CUL5: variants seen among roughly 807,000 people sequenced by gnomAD.
The protein encoded by CUL5 is cullin 5.
CUL5 carries 26 observed loss-of-function variants against 108.8 expected under a neutral mutation model. That is an observed-to-expected ratio of 0.24 (90% confidence interval 0.18 to 0.33). The LOEUF is 0.33. CUL5 is among the 10% of genes least tolerant of loss of function. The pLI is 1.00. For missense variants in CUL5, 524 were observed against 909.2 expected (o/e 0.58, Z 5.45); for synonymous variants, 334 against 298.0 (o/e 1.12, Z -1.25).
intron 18 of CUL5, among the ~76,000 whole-genome samples, chr11:108,098,859 G>A (rs976551398): frequency 1.6e-4 from 25 of 151,960 alleles, no homozygotes; most frequent in Non-Finnish European, 3.7e-4. Context: ...TTTAAAAACA[G>A]TTTAAAACTA....
At chr11:108,078,321 C>A in intron 11 of CUL5, 81 bp downstream of exon 11, 2 of 623,978 alleles carry the variant, frequency 3.2e-6, no homozygotes, top group South Asian at 6.5e-5. Context: ...ACAAAGTACC[C>A]TGTTAGGTTT....
intron 2 of CUL5, 116 bp downstream of exon 2, chr11:108,034,027 C>G (rs898415424): frequency 3.0e-6 from 2 of 659,416 alleles, no homozygotes; most frequent in Admixed American, 5.8e-5. Flanking sequence ...AAAAGTATTA[C>G]TAGTTACATT....
At chr11:108,067,296 C>T (rs1158955068) in intron 7 of CUL5, among the ~76,000 whole-genome samples, 1 of 152,170 alleles carries the variant, frequency 6.6e-6, no homozygotes, top group East Asian at 1.9e-4. Flanking sequence ...GATTCAACAT[C>T]CTTTTATTTC....
chr11:108,009,707 G>T (rs963561068), intron 1 of CUL5, among the ~76,000 whole-genome samples: 1 of 152,204 alleles, frequency 6.6e-6, no homozygotes, highest in Non-Finnish European at 1.5e-5. Context: ...GTACTGTTAG[G>T]TCTCAGTTTC....
chr11:108,043,190 C>T (rs1358060335), intron 2 of CUL5, among the ~76,000 whole-genome samples: 1 of 152,228 alleles, frequency 6.6e-6, no homozygotes, highest in Non-Finnish European at 1.5e-5. Context: ...TTCCCTCAGC[C>T]TCCTGAAAAG....
In CUL5 at chr11:108,049,316, G is replaced by C. The variant is rs541905553; in HGVS notation, c.235-574G>C. Among the ~76,000 whole-genome samples the C allele has an allele frequency of 4.0e-5, 6 of 151,600 alleles. No homozygotes were observed. The South Asian group carries it at 1.0e-3, about 26-fold the overall frequency. On this transcript the variant is annotated intron_variant, in intron 3 of 18. Transcript: ENST00000393094. Reference sequence around the variant, plus strand: ...CTATTGTTTGGATATACCATATATTGTGGGGTTTTTTGGTTTCTTTTTTCA... The same window carrying C: ...CTATTGTTTGGATATACCATATATTCTGGGGTTTTTTGGTTTCTTTTTTCA...
intron 1 of CUL5, among the ~76,000 whole-genome samples, chr11:108,027,837 C>G (rs1862489231): frequency 1.3e-5 from 2 of 152,204 alleles, no homozygotes; most frequent in African/African-American, 4.8e-5. Context: ...CTTACCTGAT[C>G]TGTCAGGAGA....
At chr11:108,085,301 A>G (rs1472275458) in intron 11 of CUL5, among the ~76,000 whole-genome samples, 3 of 152,214 alleles carry the variant, frequency 2.0e-5, no homozygotes, top group Non-Finnish European at 2.9e-5. Context: ...CCTTGAAAAC[A>G]TGGTGATTCA....
At chr11:108,080,604 C>T (rs530196217) in intron 11 of CUL5, among the ~76,000 whole-genome samples, 1 of 152,068 alleles carries the variant, frequency 6.6e-6, no homozygotes, top group Non-Finnish European at 1.5e-5. Context: ...CCATGTTGAC[C>T]AGGATGGTCT....
At chr11:108,100,047 A>T (rs187938829) in intron 18 of CUL5, among the ~76,000 whole-genome samples, 7 of 152,240 alleles carry the variant, frequency 4.6e-5, no homozygotes, top group Non-Finnish European at 7.4e-5. Context: ...ATCAAGTTCA[A>T]AATTTTAAAA....
At chr11:108,066,229 A>G (rs1863673449) in intron 7 of CUL5, among the ~76,000 whole-genome samples, 1 of 152,098 alleles carries the variant, frequency 6.6e-6, no homozygotes, top group Non-Finnish European at 1.5e-5. Context: ...CTGCTGTCCC[A>G]GTACTCAGGA....
rs1374842710 is a variant in CUL5, at chr11:108,094,305, G to C, written c.1444-86G>C. 1.5e-5 allele frequency: 15 copies of C among 976,052 alleles called. No individual in the cohort carries two copies. The East Asian group carries it at 4.3e-4, about 28-fold the overall frequency. 60.5% of individuals were successfully genotyped at this position (976,052 alleles called of 1,614,324 possible). A position where few individuals can be genotyped will look rare whatever the true frequency, so the allele number is the denominator to read the frequency against. ...AAAAATTTTGTATTAAAACATTTAA[G>C]ACTTAGTTTTTCTATTAAAATTTTT... On this transcript the variant is annotated intron_variant, in intron 13 of 18. Coordinates refer to ENST00000393094, the MANE Select transcript of CUL5 (RefSeq NM_003478.6).
chr11:108,095,382 A>T (rs1183457083), intron 15 of CUL5, 148 bp from the exon 16 acceptor site: 4 of 587,982 alleles, frequency 6.8e-6, no homozygotes, highest in Non-Finnish European at 8.7e-6. Flanking sequence ...TATTCTGGGC[A>T]GTCATTAACG....
intron 7 of CUL5, 50 bp downstream of exon 7, chr11:108,055,005 A>C (rs1456372195): frequency 8.1e-7 from 1 of 1,229,434 alleles, no homozygotes; most frequent in East Asian, 2.4e-5. Flanking sequence ...GAAATACGGA[A>C]GCATAGGAAT....
At chr11:108,019,133 A>G (rs548578090) in intron 1 of CUL5, among the ~76,000 whole-genome samples, 102 of 141,926 alleles carry the variant, frequency 7.2e-4, no homozygotes, top group Non-Finnish European at 3.2e-4. Flanking sequence ...ATGGGTAATA[A>G]GCAAATGCTA....
At chr11:108,060,160 A>G (rs1341381734) in intron 7 of CUL5, among the ~76,000 whole-genome samples, 1 of 152,180 alleles carries the variant, frequency 6.6e-6, no homozygotes, top group African/African-American at 2.4e-5. Flanking sequence ...TATTTCAGGC[A>G]TGGTATCCTC....
At chr11:108,049,409 A>C (rs1293334298) in intron 3 of CUL5, among the ~76,000 whole-genome samples, 1 of 151,784 alleles carries the variant, frequency 6.6e-6, no homozygotes, top group Non-Finnish European at 1.5e-5. Flanking sequence ...TGGTGCAATC[A>C]TGGCTCACTG....
intron 11 of CUL5, among the ~76,000 whole-genome samples, chr11:108,087,111 GATATA>G (rs1257961555): frequency 6.6e-6 from 1 of 152,014 alleles, no homozygotes; most frequent in Non-Finnish European, 1.5e-5. Flanking sequence ...ATAATTGAAT[GATATA>G]ATAAGAAAAA....
At position 108,012,587 on chromosome 11, in the gene CUL5, C is replaced by T. The variant is rs566951895; in HGVS notation, c.24+3215C>T. Among the ~76,000 whole-genome samples the T allele has an allele frequency of 4.0e-5, 6 of 148,178 alleles. No individual in the cohort carries two copies. The East Asian group carries it at 7.9e-4, about 19-fold the overall frequency. ...TGCCTATAAGAAAGTTCATATGTCG[C>T]GTCATATAAACTTTTCTTTTTTTTG... On this transcript the variant is annotated intron_variant, in intron 1 of 18. Coordinates refer to ENST00000393094, the MANE Select transcript of CUL5 (RefSeq NM_003478.6).
Sources: gnomAD v4.1 joint callset for allele counts (sites outside exome capture counted in the v4.1 genomes callset) on GRCh38, gnomAD v4.1.1 for gene constraint, MANE v1.5 for transcripts, NCBI Gene and HGNC (gene_info 2026-07-23, HGNC 2026-07-21) for gene names.